Variants in PSG1 observed in about 807,000 individuals in gnomAD.
The protein encoded by PSG1 is pregnancy-specific beta-1-glycoprotein 1.
In PSG1, 60 loss-of-function variants were observed where a neutral mutation model predicts 41.4. That is an observed-to-expected ratio of 1.45 (90% confidence interval 1.18 to 1.80). PSG1 has a LOEUF of 1.80. PSG1 is among the 40% of genes most tolerant of loss of function. The pLI is 0.00. For missense variants in PSG1, 806 were observed against 516.9 expected (o/e 1.56, Z -5.42); for synonymous variants, 256 against 192.9 (o/e 1.33, Z -2.71).
Position 42,868,615 on chromosome 19 carries a change from AG to A in PSG1, c.988+140del, listed in dbSNP as rs1971241098. On this transcript the variant is annotated intron_variant, in intron 4 of 5. Coordinates refer to ENST00000436291, the MANE Select transcript of PSG1 (RefSeq NM_001184825.2). ...AGGCTGTGCCTACCCAGGATTTCCCAGGGCAGGGAGTCATGGCCAGCTCCGA... is the reference window on the plus strand; with the variant it reads ...AGGCTGTGCCTACCCAGGATTTCCCAGGCAGGGAGTCATGGCCAGCTCCGA... 16 of 1,513,910 alleles carry A rather than the reference AG, an allele frequency of 1.1e-5. No homozygotes were observed. The South Asian group carries it at 1.9e-4, about 18-fold the overall frequency. The allele number at this position is 1,513,910 out of a possible 1,614,324, so 93.8% of individuals were successfully genotyped here.
At chr19:42,876,022 G>C (rs1359458457) in intron 2 of PSG1, among the ~76,000 whole-genome samples, 1 of 151,280 alleles carries the variant, frequency 6.6e-6, no homozygotes, top group Non-Finnish European at 1.5e-5. Flanking sequence ...AGCCTGGCAG[G>C]AGTGGCAACT....
Position 42,866,840 on chromosome 19 carries a change from G to A in PSG1, c.*294C>T, listed in dbSNP as rs1337125810. On this transcript the variant is annotated 3_prime_UTR_variant, in exon 6 of 6. Coordinates refer to ENST00000436291, the MANE Select transcript of PSG1 (RefSeq NM_001184825.2). ...AAAGAGGCAGGCATGAGCAAGGACAGTTAAGAGGGGGGAGAGCCTCATCAT... is the reference window on the plus strand; with the variant it reads ...AAAGAGGCAGGCATGAGCAAGGACAATTAAGAGGGGGGAGAGCCTCATCAT... The A allele has an allele frequency of 2.3e-5, 14 of 616,346 alleles. 1 individual carries two copies. The East Asian group carries it at 2.8e-4, about 12-fold the overall frequency. The allele number at this position is 616,346 out of a possible 1,614,324, so 38.2% of individuals were successfully genotyped here. A position where few individuals can be genotyped will look rare whatever the true frequency, so the allele number is the denominator to read the frequency against.
At position 42,866,849 on chromosome 19, in the gene PSG1, G is replaced by C. The variant is rs541341494; in HGVS notation, c.*285C>G. 25 of 625,560 alleles carry C rather than the reference G, an allele frequency of 4.0e-5. 1 individual carries two copies. In the South Asian group the frequency reaches 4.1e-4, roughly 10 times the overall value. 38.8% of individuals were successfully genotyped at this position (625,560 alleles called of 1,614,324 possible). On this transcript the variant is annotated 3_prime_UTR_variant, in exon 6 of 6. Transcript: ENST00000436291. ...GGCATGAGCAAGGACAGTTAAGAGG[G>C]GGGAGAGCCTCATCATGATGGGGAG... is the stretch of plus-strand genomic sequence containing the variant.
chr19:42,873,715 G>T (rs1460651573), intron 2 of PSG1, among the ~76,000 whole-genome samples: 1 of 151,616 alleles, frequency 6.6e-6, no homozygotes, highest in African/African-American at 2.4e-5. Context: ...TGAAAGGACC[G>T]AACTGGTCAG....
At position 42,869,046 on chromosome 19, in the gene PSG1, A is replaced by T. The variant is rs910946381; in HGVS notation, c.710-12T>A. On this transcript the variant is annotated splice_polypyrimidine_tract_variant and intron_variant, in intron 3 of 5. Transcript: ENST00000436291. ...CTTGGGCAGCTTCGCTGTGTGGATA[A>T]CAGAGAGAAGATTGTCCTGTGTGGC... 3.1e-6 allele frequency: 5 copies of T among 1,603,020 alleles called. No individual in the cohort carries two copies. The highest frequency in any genetic ancestry group is 8.5e-7 in the Non-Finnish European group (1 of 1,175,158).
intron 3 of PSG1, 158 bp from the exon 4 acceptor site, chr19:42,869,192 T>C: frequency 6.8e-7 from 1 of 1,460,852 alleles, no homozygotes; most frequent in Middle Eastern, 2.6e-4. Context: ...CATGATGATC[T>C]AAGGGCTCAA....
Position 42,868,972 on chromosome 19 carries a change from A to G in PSG1, c.772T>C (p.Leu258=). ...CTCTTAGGTTCACAGGTGAAGTTTAAGACATCCTTATTCTCCCTGGGGTTT... is the reference window on the plus strand; with the variant it reads ...CTCTTAGGTTCACAGGTGAAGTTTAGGACATCCTTATTCTCCCTGGGGTTT... The part of the protein sequence containing the change: ...NLNPRENKDV[L]NFTCEPKSEN... The change falls in exon 4 of 6, where the codon TTA becomes CTA. Residue 258 remains leucine (L), a synonymous_variant. Coordinates refer to ENST00000436291, the MANE Select transcript of PSG1 (RefSeq NM_001184825.2). The G allele has an allele frequency of 5.6e-6, 9 of 1,610,626 alleles. No individual in the cohort carries two copies. The highest frequency in any genetic ancestry group is 6.8e-6 in the Non-Finnish European group (8 of 1,179,074).
chr19:42,871,736 C>T (rs749733360), intron 3 of PSG1, 31 bp downstream of exon 3: 2 of 1,612,484 alleles, frequency 1.2e-6, no homozygotes, highest in Admixed American at 3.3e-5. Context: ...GGGATGGCAG[C>T]CTGGCTCACA....
rs200993714 is a variant in PSG1, at chr19:42,877,936, C to A, written c.407G>T (p.Gly136Val). Reference sequence around the variant, plus strand: ...ACGGTGTAAGGTGAAGGTGAAACGTCCAGTTACTCCTCTAGTCCCATCATC... The same window carrying A: ...ACGGTGTAAGGTGAAGGTGAAACGTACAGTTACTCCTCTAGTCCCATCATC... ...KGDDGTRGVT[G>V]RFTFTLHLET... Residue 136 changes from glycine (G) to valine (V), a missense_variant, in exon 2 of 6, where the codon GGA becomes GTA. Coordinates refer to ENST00000436291, the MANE Select transcript of PSG1 (RefSeq NM_001184825.2). The A allele has an allele frequency of 3.1e-5, 50 of 1,612,142 alleles. No homozygotes were observed. Among genetic ancestry groups the A allele is most frequent in the Non-Finnish European group, 3.6e-5 (43 of 1,179,086 alleles).
chr19:42,878,399 A>C lies in PSG1; in HGVS notation c.65-121T>G, dbSNP rs986541852. The C allele has an allele frequency of 4.1e-5, 55 of 1,354,018 alleles. No individual in the cohort carries two copies. In the African/African-American group the frequency reaches 7.7e-4, roughly 19 times the overall value. 83.9% of individuals were successfully genotyped at this position (1,354,018 alleles called of 1,614,324 possible). On this transcript the variant is annotated intron_variant, in intron 1 of 5. Coordinates refer to ENST00000436291, the MANE Select transcript of PSG1 (RefSeq NM_001184825.2). ...GCCTTGACAACACAGACACACACAC[A>C]CATACAAACACACACACACACACAC...
Position 42,868,410 on chromosome 19 carries a change from C to T in PSG1, c.989-55G>A, listed in dbSNP as rs1276016939. ...ATGTCATCTGAGGGAAGGGGATGTTCCTGGTCTCTTAAAGGGACACAGTGA... is the reference window on the plus strand; with the variant it reads ...ATGTCATCTGAGGGAAGGGGATGTTTCTGGTCTCTTAAAGGGACACAGTGA... On this transcript the variant is annotated intron_variant, in intron 4 of 5. Coordinates refer to ENST00000436291, the MANE Select transcript of PSG1 (RefSeq NM_001184825.2). 1.6e-5 allele frequency: 24 copies of T among 1,545,660 alleles called. 1 individual carries two copies. Among genetic ancestry groups the T allele is most frequent in the South Asian group, 4.9e-5 (4 of 81,186 alleles).
At chr19:42,872,978 C>T (rs1469906242) in intron 2 of PSG1, among the ~76,000 whole-genome samples, 2 of 151,708 alleles carry the variant, frequency 1.3e-5, no homozygotes, top group Admixed American at 6.6e-5. Context: ...TACTTTCTCT[C>T]ATTAGACATT....
intron 2 of PSG1, chr19:42,873,984 T>C (rs1430657427): frequency 2.0e-5 from 3 of 151,464 alleles, no homozygotes; most frequent in Non-Finnish European, 4.4e-5. Context: ...CACACGAAGA[T>C]CTCCAACTTA....
Position 42,868,145 on chromosome 19 carries a change from G to A in PSG1, c.1199C>T (p.Ala400Val), listed in dbSNP as rs773166380. 6.2e-7 allele frequency: 1 copy of A among 1,612,386 alleles called. No homozygotes were observed. Among genetic ancestry groups the A allele is most frequent in the South Asian group, 1.1e-5 (1 of 90,814 alleles). ...GGATTTGGAGCTTTCCTTGCCAGTG[G>A]CTGAGTTACGAACAGAGCAAACATA... The part of the protein sequence containing the change: ...GLYVCSVRNS[A>V]TGKESSKSMT... Residue 400 changes from alanine (A) to valine (V), a missense_variant, in exon 5 of 6, where the codon GCC becomes GTC. Physicochemically the swap from Ala to Val is moderately conservative, Grantham distance 64. Coordinates refer to ENST00000436291, the MANE Select transcript of PSG1 (RefSeq NM_001184825.2).
At chr19:42,878,319 G>C (rs747495279) in intron 1 of PSG1, 41 bp from the exon 2 acceptor site, 3 of 1,561,382 alleles carry the variant, frequency 1.9e-6, no homozygotes, top group Non-Finnish European at 1.7e-6. Flanking sequence ...TGAGACCTAT[G>C]TATTGGTGTG....
Position 42,868,303 on chromosome 19 carries a change from T to C in PSG1, c.1041A>G (p.Gly347=). The change falls in exon 5 of 6, where the codon GGA becomes GGG. Residue 347 remains glycine (G), a synonymous_variant. Coordinates refer to ENST00000436291, the MANE Select transcript of PSG1 (RefSeq NM_001184825.2). ...CAGAACAGGACAAGTAGAGGACTTC[T>C]CCTGAACGGTAATAGGTGAATGAAG... The part of the protein sequence containing the change: ...IYPSFTYYRS[G]EVLYLSCSAD... The C allele has an allele frequency of 1.2e-6, 2 of 1,612,158 alleles. No individual in the cohort carries two copies. Among genetic ancestry groups the C allele is most frequent in the Non-Finnish European group, 1.7e-6 (2 of 1,178,988 alleles).
intron 1 of PSG1, 53 bp from the exon 2 acceptor site, chr19:42,878,331 A>G: frequency 6.4e-7 from 1 of 1,550,836 alleles, no homozygotes; most frequent in East Asian, 2.3e-5. Flanking sequence ...ATTGGTGTGA[A>G]AACATGGGGC....
intron 3 of PSG1, 90 bp from the exon 4 acceptor site, chr19:42,869,124 C>G: frequency 1.3e-6 from 2 of 1,567,128 alleles, no homozygotes; most frequent in African/African-American, 1.4e-5. Flanking sequence ...TCTCCCACCT[C>G]TCATTCCACC....
At chr19:42,870,596 T>G (rs1055874666) in intron 3 of PSG1, 2 of 151,614 alleles carry the variant, frequency 1.3e-5, no homozygotes, top group African/African-American at 4.8e-5. Context: ...AATAAGAGCC[T>G]GTCATGTGAG....
Sources: allele counts gnomAD v4.1 joint callset (sites outside exome capture counted in the v4.1 genomes callset), GRCh38; gene constraint gnomAD v4.1.1; transcripts MANE v1.5; gene names NCBI Gene and HGNC (gene_info 2026-07-23, HGNC 2026-07-21).